NUDT7: variants seen among roughly 807,000 people sequenced by gnomAD.
NUDT7 encodes nudix hydrolase 7.
A neutral mutation model predicts 13.1 loss-of-function variants in NUDT7; 19 were observed. The ratio of observed to expected loss-of-function variants is 1.45; its 90% CI spans 1.01 to 2.13. The LOEUF (loss-of-function observed/expected upper bound fraction) is 2.13, where lower values mean the gene tolerates loss of function less well. NUDT7 is among the 30% of genes most tolerant of loss of function. NUDT7 has a pLI of 0.00. For synonymous variants in NUDT7, 132 were observed against 109.7 expected (o/e 1.20, Z -1.27); for missense variants, 360 against 291.7 (o/e 1.23, Z -1.71).
At chr16:77,740,872 G>C (rs905935665) in intron 3 of NUDT7, among the ~76,000 whole-genome samples, 1 of 152,164 alleles carries the variant, frequency 6.6e-6, no homozygotes, top group African/African-American at 2.4e-5. Context: ...GCAAGCAGTT[G>C]TGGTTGTAAA....
intron 2 of NUDT7, among the ~76,000 whole-genome samples, chr16:77,726,947 C>CATGGCAG (rs1555503887): frequency 0.055 from 6,617 of 120,840 alleles, 251 homozygotes; most frequent in East Asian, 0.24. Context: ...AGTGTACCAT[C>CATGGCAG]ATGGCAGAGG....
chr16:77,736,672 A>C (rs370559718), intron 3 of NUDT7: 1 of 286,552 alleles, frequency 3.5e-6, no homozygotes, highest in African/African-American at 2.2e-5. Context: ...CGCTATGTTG[A>C]TGAGGCTGGT....
At chr16:77,723,637 G>A (rs867585724) in intron 1 of NUDT7, among the ~76,000 whole-genome samples, 5 of 138,996 alleles carry the variant, frequency 3.6e-5, no homozygotes, top group Admixed American at 2.3e-4. Context: ...CTGCCGCCCT[G>A]GCTACAGTGC....
At chr16:77,732,326 C>CAA (rs371733996) in intron 2 of NUDT7, among the ~76,000 whole-genome samples, 9 of 124,150 alleles carry the variant, frequency 7.2e-5, no homozygotes, top group Admixed American at 4.0e-4. Context: ...GAACACGTCT[C>CAA]AAAAAAAAAA....
intron 3 of NUDT7, among the ~76,000 whole-genome samples, chr16:77,741,077 G>A (rs1190399413): frequency 6.6e-6 from 1 of 151,898 alleles, no homozygotes; most frequent in East Asian, 1.9e-4. Context: ...TTTCTTTACT[G>A]AGAAGGAAAG....
intron 3 of NUDT7, among the ~76,000 whole-genome samples, chr16:77,737,217 A>T (rs1415831782): frequency 4.6e-5 from 7 of 152,256 alleles, no homozygotes; most frequent in African/African-American, 1.4e-4. Context: ...TCTGTCCTGG[A>T]TCTCATCTAA....
chr16:77,722,748 G>A (rs1597108248), intron 1 of NUDT7, 131 bp downstream of exon 1: 33 of 821,962 alleles, frequency 4.0e-5, no homozygotes, highest in South Asian at 7.6e-5. Context: ...GCGCCGGATG[G>A]GGGAGCACTC....
chr16:77,736,089 T>C, intron 3 of NUDT7, 103 bp downstream of exon 3: 2 of 1,090,530 alleles, frequency 1.8e-6, no homozygotes, highest in Admixed American at 2.2e-5. Context: ...AAGAGTACTG[T>C]ACATAAAGTC....
chr16:77,726,463 G>T (rs2014138692), intron 2 of NUDT7, among the ~76,000 whole-genome samples: 1 of 152,164 alleles, frequency 6.6e-6, no homozygotes, highest in Non-Finnish European at 1.5e-5. Context: ...TGGAGTTTCT[G>T]GCTCACCCCT....
At chr16:77,729,907 T>TGTACAAC (rs200788881) in intron 2 of NUDT7, among the ~76,000 whole-genome samples, 2,007 of 152,204 alleles carry the variant, frequency 0.013, 44 homozygotes, top group African/African-American at 0.045. Context: ...TTTTGAAGTA[T>TGTACAAC]ATATTCACTA....
chr16:77,740,667 C>T (rs970191027), intron 3 of NUDT7, among the ~76,000 whole-genome samples: 2 of 152,182 alleles, frequency 1.3e-5, no homozygotes, highest in African/African-American at 4.8e-5. Flanking sequence ...CCTGCCTCAG[C>T]CTCCTGAGTA....
At chr16:77,726,595 G>C (rs1386527981) in intron 2 of NUDT7, among the ~76,000 whole-genome samples, 1 of 152,086 alleles carries the variant, frequency 6.6e-6, no homozygotes, top group Non-Finnish European at 1.5e-5. Flanking sequence ...AGCAGTTCGA[G>C]ACAAGCCTGA....
chr16:77,733,466 G>A (rs1430204373), intron 2 of NUDT7, among the ~76,000 whole-genome samples: 1 of 152,182 alleles, frequency 6.6e-6, no homozygotes, highest in Non-Finnish European at 1.5e-5. Flanking sequence ...ACCTCCCAAA[G>A]ATCCCACCTC....
chr16:77,737,962 G>T (rs1276287017), intron 3 of NUDT7, among the ~76,000 whole-genome samples: 1 of 151,996 alleles, frequency 6.6e-6, no homozygotes, highest in East Asian at 1.9e-4. Context: ...TGTCTTAATT[G>T]GGTCCTTTTT....
At chr16:77,724,558 G>A (rs1446528919) in intron 1 of NUDT7, among the ~76,000 whole-genome samples, 1 of 152,012 alleles carries the variant, frequency 6.6e-6, no homozygotes, top group East Asian at 1.9e-4. Context: ...GGCGTGAGCC[G>A]CTGCACTGGG....
intron 1 of NUDT7, 60 bp downstream of exon 1, chr16:77,722,677 G>T: frequency 1.3e-6 from 2 of 1,494,456 alleles, no homozygotes; most frequent in Admixed American, 1.9e-5. Flanking sequence ...TGATCGTAGC[G>T]GAGGCCACCG....
At chr16:77,730,009 A>G (rs557139238) in intron 2 of NUDT7, among the ~76,000 whole-genome samples, 12 of 151,866 alleles carry the variant, frequency 7.9e-5, no homozygotes, top group African/African-American at 2.9e-4. Context: ...ATTAACACAT[A>G]TACTACCTCA....
At chr16:77,730,180 T>C (rs1311235986) in intron 2 of NUDT7, among the ~76,000 whole-genome samples, 2 of 152,202 alleles carry the variant, frequency 1.3e-5, no homozygotes, top group African/African-American at 2.4e-5. Flanking sequence ...AAGAATACAG[T>C]ATGTTAACTA....
intron 2 of NUDT7, chr16:77,735,524 T>G (rs1454474774): frequency 5.4e-6 from 3 of 559,714 alleles, no homozygotes; most frequent in Admixed American, 2.9e-5. Flanking sequence ...CAACCAAACC[T>G]CTTTTCTTTA....
Sources: gnomAD v4.1 joint callset for allele counts (sites outside exome capture counted in the v4.1 genomes callset) on GRCh38, gnomAD v4.1.1 for gene constraint, MANE v1.5 for transcripts, NCBI Gene and HGNC (gene_info 2026-07-23, HGNC 2026-07-21) for gene names.